The following FAM186A variants were observed in gnomAD, a reference collection of about 807,000 sequenced individuals.
FAM186A encodes family with sequence similarity 186 member A.
FAM186A carries 163 observed loss-of-function variants against 216.8 expected under a neutral mutation model. The ratio of observed to expected loss-of-function variants is 0.75; its 90% CI spans 0.66 to 0.86. The LOEUF is 0.86. Ranked by LOEUF, FAM186A falls within the 40% of genes least tolerant of loss-of-function variation. The pLI is 0.00. For synonymous variants in FAM186A, 805 were observed against 1,025.3 expected (o/e 0.79, Z 4.10); for missense variants, 2,184 against 2,746.2 (o/e 0.80, Z 4.58).
Position 50,356,104 on chromosome 12 carries a change from TC to T in FAM186A, c.727del (p.Glu243AsnfsTer3), listed in dbSNP as rs1448962057. 1 of 1,551,714 alleles carries T rather than the reference TC, an allele frequency of 6.4e-7. No homozygotes were observed. The highest frequency in any genetic ancestry group is 8.7e-7 in the Non-Finnish European group (1 of 1,146,992). The part of the protein sequence containing the change: ...KVSEIQGMLQ[E>X]LIGTTMFSTL... The stretch of plus-strand genomic sequence containing the variant: ...ACTGAACATTGTGGTGCCTATGAGT[TC>T]CTGTAGCATACCTTGGATTTCTGAA... On this transcript the variant is annotated frameshift_variant, in exon 4 of 8. Coordinates refer to ENST00000327337, the MANE Select transcript of FAM186A (RefSeq NM_001145475.3). LOFTEE classifies it high-confidence loss of function.
In FAM186A at chr12:50,354,024, C is replaced by T. The variant is rs1298835353; in HGVS notation, c.2808G>A (p.Gly936=). The T allele has an allele frequency of 6.4e-7, 1 of 1,551,616 alleles. No homozygotes were observed. Among genetic ancestry groups the T allele is most frequent in the East Asian group, 2.4e-5 (1 of 40,934 alleles). The part of the protein sequence containing the change: ...EEGTQKMKTQ[G]LLLEKENGQM... ...GTCCATTCTCCTTTTCCAAGAGCAA[C>T]CCTTGTGTTTTCATTTTTTGGGTCC... The change falls in exon 4 of 8, where the codon GGG becomes GGA. Residue 936 remains glycine (G), a synonymous_variant. Transcript: ENST00000327337.
At chr12:50,368,272 G>A (rs1251510978) in intron 1 of FAM186A, among the ~76,000 whole-genome samples, 5 of 151,860 alleles carry the variant, frequency 3.3e-5, no homozygotes, top group African/African-American at 4.8e-5. Flanking sequence ...ATGGTGGTGG[G>A]CATTTATAAT....
chr12:50,356,994 G>A (rs896733281), intron 3 of FAM186A, among the ~76,000 whole-genome samples: 4 of 151,360 alleles, frequency 2.6e-5, no homozygotes, highest in African/African-American at 9.8e-5. Context: ...GTGAGACTTC[G>A]TCTCAACATA....
At chr12:50,385,795 G>A (rs1035224306) in intron 1 of FAM186A, among the ~76,000 whole-genome samples, 2 of 151,432 alleles carry the variant, frequency 1.3e-5, no homozygotes, top group Admixed American at 6.6e-5. Context: ...CCAGCTACTC[G>A]GGAGACTGAG....
chr12:50,348,312 TAC>T (rs1382293128), intron 4 of FAM186A, among the ~76,000 whole-genome samples: 4 of 151,830 alleles, frequency 2.6e-5, no homozygotes, highest in African/African-American at 9.7e-5. Context: ...GTGATGGGAT[TAC>T]AGTTGCCCAC....
chr12:50,374,400 TAAAA>T (rs1353637292), intron 1 of FAM186A, among the ~76,000 whole-genome samples: 2 of 150,802 alleles, frequency 1.3e-5, no homozygotes, highest in Non-Finnish European at 3.0e-5. Flanking sequence ...AGGTGACCAA[TAAAA>T]TAAAATAGAA....
intron 3 of FAM186A, among the ~76,000 whole-genome samples, chr12:50,357,567 A>C (rs1942990901): frequency 6.6e-6 from 1 of 152,076 alleles, no homozygotes; most frequent in South Asian, 2.1e-4. Context: ...GAAAATCAGC[A>C]ATCTTTTTCT....
chr12:50,350,538 T>C lies in FAM186A; in HGVS notation c.6294A>G (p.Gln2098=). ...PKVMVPPSSP[Q]ELEEKRYFVD... ...CAAAATACCTCTTTTCTTCAAGTTC[T>C]TGAGGAGAGGAAGGGGGCACCATTA... Residue 2098 remains glutamine (Q), a synonymous_variant, in exon 4 of 8, where the codon CAA becomes CAG. Transcript: ENST00000327337. 6.4e-7 allele frequency: 1 copy of C among 1,551,656 alleles called. No individual in the cohort carries two copies. The highest frequency in any genetic ancestry group is 1.2e-5 in the South Asian group (1 of 84,056).
Position 50,384,802 on chromosome 12 carries a change from A to G in FAM186A, c.192+11491T>C, listed in dbSNP as rs116409288. Among the ~76,000 whole-genome samples, 939 of 152,160 alleles carry G rather than the reference A, an allele frequency of 6.2e-3. 9 individuals are homozygous for G. The highest frequency in any genetic ancestry group is 0.022 in the African/African-American group (911 of 41,540). On this transcript the variant is annotated intron_variant, in intron 1 of 7. Coordinates refer to ENST00000327337, the MANE Select transcript of FAM186A (RefSeq NM_001145475.3). ...ATATACAAAAATCCACTCAAAATGG[A>G]TTAGAGTTTTTGTTTTTTTTTGAGA...
rs1442214677 is a variant in FAM186A at position 50,352,905 on chromosome 12, C to T, written c.3927G>A (p.Gln1309=). The T allele has an allele frequency of 6.5e-7, 1 of 1,536,128 alleles. No homozygotes were observed. Among genetic ancestry groups the T allele is most frequent in the Non-Finnish European group, 8.8e-7 (1 of 1,138,590 alleles). The part of the protein sequence containing the change: ...LGIPLTPKQA[Q]ALGIPFTPQQ... Reference sequence around the variant, plus strand: ...GAGGGGTGAAAGGGATCCCCAGAGCCTGTGCCTGCTTAGGGGTGAGAGGGA... The same window carrying T: ...GAGGGGTGAAAGGGATCCCCAGAGCTTGTGCCTGCTTAGGGGTGAGAGGGA... The change falls in exon 4 of 8, where the codon CAG becomes CAA. Residue 1309 remains glutamine, a synonymous_variant. Transcript: ENST00000327337.
chr12:50,363,129 G>T lies in FAM186A; in HGVS notation c.412+16C>A. The T allele has an allele frequency of 6.6e-7, 1 of 1,521,842 alleles. No individual in the cohort carries two copies. The allele number at this position is 1,521,842 out of a possible 1,614,324, so 94.3% of individuals were successfully genotyped here. A position where few individuals can be genotyped will look rare whatever the true frequency, so the allele number is the denominator to read the frequency against. ...TAACTTTATGGTTTTCCTCTGAACC[G>T]CTTCTGTAAACTTACTCCATTCTTC... On this transcript the variant is annotated intron_variant, in intron 2 of 7. Transcript: ENST00000327337.
chr12:50,384,116 CA>C (rs562957421), intron 1 of FAM186A, among the ~76,000 whole-genome samples: 39 of 151,042 alleles, frequency 2.6e-4, no homozygotes, highest in Middle Eastern at 3.4e-3. Flanking sequence ...GACTCTGTCT[CA>C]AAAAAAAGAA....
At chr12:50,376,645 G>A (rs1227895576) in intron 1 of FAM186A, among the ~76,000 whole-genome samples, 1 of 152,102 alleles carries the variant, frequency 6.6e-6, no homozygotes, top group East Asian at 1.9e-4. Context: ...AGTACCATCT[G>A]ATCGGCCAAA....
chr12:50,387,407 A>G (rs1943314185), intron 1 of FAM186A, among the ~76,000 whole-genome samples: 1 of 152,180 alleles, frequency 6.6e-6, no homozygotes, highest in African/African-American at 2.4e-5. Context: ...GGTACCAGGA[A>G]AATTTAGGAC....
chr12:50,375,495 G>A (rs915672250), intron 1 of FAM186A, among the ~76,000 whole-genome samples: 2 of 150,970 alleles, frequency 1.3e-5, no homozygotes, highest in Admixed American at 6.6e-5. Context: ...GTTGCAGCGA[G>A]CCGAGATTGC....
Position 50,351,053 on chromosome 12 carries a change from T to G in FAM186A, c.5779A>C (p.Thr1927Pro), listed in dbSNP as rs756950952. ...GRASSLWIPP[T>P]SRHPPTLWPS... Reference sequence around the variant, plus strand: ...CATAGTGTGGGAGGATGTCTAGAGGTGGGAGGGATCCATAATGAAGAAGCT... The same window carrying G: ...CATAGTGTGGGAGGATGTCTAGAGGGGGGAGGGATCCATAATGAAGAAGCT... Residue 1927 changes from threonine (T) to proline (P), a missense_variant, in exon 4 of 8, where the codon ACC becomes CCC. This residue lies in a region of FAM186A where 721 missense variants were observed against 816.4 expected (regional missense o/e 0.88). Transcript: ENST00000327337. The G allele has an allele frequency of 1.0e-4, 156 of 1,551,290 alleles. No homozygotes were observed. Among genetic ancestry groups the G allele is most frequent in the Middle Eastern group, 6.7e-4 (4 of 5,990 alleles).
chr12:50,385,047 C>T (rs1179097408), intron 1 of FAM186A, among the ~76,000 whole-genome samples: 1 of 151,850 alleles, frequency 6.6e-6, no homozygotes, highest in Non-Finnish European at 1.5e-5. Context: ...TCAGGTGATC[C>T]ACCCGCCTTG....
At position 50,351,634 on chromosome 12, in the gene FAM186A, G is replaced by A. The variant is rs748837782; in HGVS notation, c.5198C>T (p.Ser1733Phe). ...TGCCAGGGACAGCCTAAGACTTGGAGACAATCTTGATATGATGGATTGCCC... is the reference window on the plus strand; with the variant it reads ...TGCCAGGGACAGCCTAAGACTTGGAAACAATCTTGATATGATGGATTGCCC... ...PTGQSIISRL[S>F]PSLRLSLASS... The change falls in exon 4 of 8, where the codon TCT becomes TTT. Residue 1733 changes from serine to phenylalanine, a missense_variant. By Grantham distance (155) the Ser-to-Phe change is radical. This residue lies in a region of FAM186A where 721 missense variants were observed against 816.4 expected (regional missense o/e 0.88). Transcript: ENST00000327337. The A allele has an allele frequency of 2.0e-5, 31 of 1,551,466 alleles. No homozygotes were observed. The highest frequency in any genetic ancestry group is 2.6e-5 in the Non-Finnish European group (30 of 1,146,904).
Position 50,354,089 on chromosome 12 carries a change from C to G in FAM186A, c.2743G>C (p.Glu915Gln), listed in dbSNP as rs1382555112. The change falls in exon 4 of 8, where the codon GAA (glutamate) becomes CAA (glutamine). Residue 915 changes from glutamate to glutamine, a missense_variant. By Grantham distance (29) the Glu-to-Gln change is conservative. Coordinates refer to ENST00000327337, the MANE Select transcript of FAM186A (RefSeq NM_001145475.3). ...EKQKQRGQEE[E>Q]ELPKSSLQRL... ...TGCAGGCTTGACTTTGGAAGCTCTTCTTCCTCCTGTCCTCTTTGCTTTTGC... is the reference window on the plus strand; with the variant it reads ...TGCAGGCTTGACTTTGGAAGCTCTTGTTCCTCCTGTCCTCTTTGCTTTTGC... The G allele has an allele frequency of 6.4e-7, 1 of 1,551,710 alleles. No homozygotes were observed. The highest frequency in any genetic ancestry group is 2.0e-5 in the Admixed American group (1 of 50,992).
Sources: allele counts gnomAD v4.1 joint callset (sites outside exome capture counted in the v4.1 genomes callset), GRCh38; gene constraint gnomAD v4.1.1; regional missense constraint gnomAD v4.1.1; transcripts MANE v1.5; gene names NCBI Gene and HGNC (gene_info 2026-07-23, HGNC 2026-07-21).